The following ALPK1 variants were observed in gnomAD, a reference collection of about 807,000 sequenced individuals.
ALPK1 encodes alpha kinase 1.
ALPK1 carries 110 observed loss-of-function variants against 120.6 expected under a neutral mutation model. The observed-to-expected ratio is 0.91, with a 90% CI of 0.78 to 1.07. ALPK1 has a LOEUF of 1.07. Among genes scored for constraint, ALPK1 ranks in the 50% least tolerant of loss-of-function variants. The probability of loss-of-function intolerance (pLI) is 0.00; values close to 1 mark genes in which losing one functional copy is unlikely to be tolerated. For missense variants in ALPK1, 1,498 were observed against 1,483.9 expected, an observed-to-expected ratio of 1.01 and a Z score of -0.16; for synonymous variants, 582 against 560.3, an observed-to-expected ratio of 1.04 and a Z score of -0.55.
intron 3 of ALPK1, among the ~76,000 whole-genome samples, 164 bp downstream of exon 3, chr4:112,378,062 C>A (rs994330641): frequency 6.6e-6 from 1 of 151,444 alleles, no homozygotes; most frequent in Admixed American, 6.6e-5. Flanking sequence ...GGGCTGCGGG[C>A]GGACGGGCAG....
intron 2 of ALPK1, among the ~76,000 whole-genome samples, chr4:112,371,847 A>G (rs1731421300): frequency 6.6e-6 from 1 of 152,224 alleles, no homozygotes; most frequent in African/African-American, 2.4e-5. Context: ...GAGCTAGGGA[A>G]TTTCTTAATA....
chr4:112,398,288 AT>A (rs1307790992), intron 4 of ALPK1, among the ~76,000 whole-genome samples: 2 of 152,008 alleles, frequency 1.3e-5, no homozygotes, highest in Non-Finnish European at 2.9e-5. Flanking sequence ...ACAGACTTAA[AT>A]TTTTTTAATT....
In ALPK1 at chr4:112,411,887, T is replaced by C. The variant is rs759065750; in HGVS notation, c.337T>C (p.Leu113=). The C allele has an allele frequency of 1.8e-5, 29 of 1,613,950 alleles. No homozygotes were observed. The highest frequency in any genetic ancestry group is 2.1e-5 in the Non-Finnish European group (25 of 1,180,006). Residue 113 remains leucine, a synonymous_variant, in exon 5 of 16, where the codon TTG becomes CTG. Coordinates refer to ENST00000650871, the MANE Select transcript of ALPK1 (RefSeq NM_025144.4). ...TGCGGCTGCGGCGGCTATTGTGTTC[T>C]TGGTGGACCGGTTCCTGTATGGGCT... The part of the protein sequence containing the change: ...DCAAAAAIVF[L]VDRFLYGLDV...
chr4:112,316,015 A>C (rs141385742), intron 2 of ALPK1, 163 bp downstream of exon 2: 5 of 152,238 alleles, frequency 3.3e-5, no homozygotes, highest in Non-Finnish European at 7.3e-5. Context: ...TTCTTCAATA[A>C]TTTTTAAAAA....
At chr4:112,421,651 C>A (rs1222832730) in intron 5 of ALPK1, among the ~76,000 whole-genome samples, 1 of 152,184 alleles carries the variant, frequency 6.6e-6, no homozygotes, top group Admixed American at 6.5e-5. Context: ...CCAGTAGATG[C>A]CCAAGCCTGA....
intron 2 of ALPK1, among the ~76,000 whole-genome samples, chr4:112,335,154 G>T (rs1276523942): frequency 1.3e-5 from 2 of 152,056 alleles, no homozygotes; most frequent in Non-Finnish European, 2.9e-5. Context: ...CACTTGGGAG[G>T]CTGAGGCAGG....
intron 2 of ALPK1, among the ~76,000 whole-genome samples, chr4:112,363,967 T>A (rs137906676): frequency 0.014 from 2,156 of 152,234 alleles, 20 homozygotes; most frequent in South Asian, 0.046. Context: ...GATTGTTGGG[T>A]CAACAGTAAA....
chr4:112,354,048 T>C (rs573800380), intron 2 of ALPK1, among the ~76,000 whole-genome samples: 1 of 152,316 alleles, frequency 6.6e-6, no homozygotes, highest in East Asian at 1.9e-4. Context: ...TTTCCTACTA[T>C]GTGGTTGGTC....
At chr4:112,364,752 A>T (rs549922605) in intron 2 of ALPK1, among the ~76,000 whole-genome samples, 15 of 152,294 alleles carry the variant, frequency 9.8e-5, no homozygotes, top group Admixed American at 8.5e-4. Flanking sequence ...AGATATCACA[A>T]AAAAAGAAAA....
At chr4:112,435,805 G>A (rs2023828) in intron 12 of ALPK1, among the ~76,000 whole-genome samples, 54,337 of 152,090 alleles carry the variant, frequency 0.36, 10,482 homozygotes, top group African/African-American at 0.5. Flanking sequence ...GGTGCAGCCC[G>A]TAGCAAAAGC....
rs1734509746 is a variant in ALPK1, at chr4:112,430,852, G to C, written c.1305G>C (p.Glu435Asp). The C allele has an allele frequency of 6.2e-7, 1 of 1,614,006 alleles. No homozygotes were observed. The highest frequency in any genetic ancestry group is 1.7e-5 in the Admixed American group (1 of 59,998). ...SNVDDRSYVPESFECRLDKLI... is the reference protein window; with the variant it reads ...SNVDDRSYVPDSFECRLDKLI... ...TAGATGACAGATCTTATGTTCCCGAGAGTTTCGAGTGCAGGTTGGATAAAC... is the reference window on the plus strand; with the variant it reads ...TAGATGACAGATCTTATGTTCCCGACAGTTTCGAGTGCAGGTTGGATAAAC... The change falls in exon 11 of 16, where the codon GAG becomes GAC. Residue 435 changes from glutamate to aspartate, a missense_variant. Coordinates refer to ENST00000650871, the MANE Select transcript of ALPK1 (RefSeq NM_025144.4).
chr4:112,325,505 T>A (rs7664469), intron 2 of ALPK1, among the ~76,000 whole-genome samples: 76,302 of 152,044 alleles, frequency 0.5, 19,402 homozygotes, highest in Middle Eastern at 0.63. Context: ...TATATTTAGG[T>A]CATTCACATT....
intron 2 of ALPK1, among the ~76,000 whole-genome samples, chr4:112,335,370 C>G (rs971980270): frequency 9.2e-5 from 14 of 151,568 alleles, no homozygotes; most frequent in African/African-American, 3.2e-4. Context: ...TTCTAAAGAA[C>G]AAGGTAAGCC....
At chr4:112,430,086 A>G (rs1234068729) in intron 10 of ALPK1, among the ~76,000 whole-genome samples, 1 of 152,198 alleles carries the variant, frequency 6.6e-6, no homozygotes, top group East Asian at 1.9e-4. Context: ...CCTTATTTGC[A>G]TAGAGAAACT....
intron 5 of ALPK1, among the ~76,000 whole-genome samples, chr4:112,422,161 C>T (rs1238790336): frequency 2.0e-5 from 3 of 152,158 alleles, no homozygotes; most frequent in Non-Finnish European, 4.4e-5. Flanking sequence ...GATTTCATCA[C>T]GCTACTCAGA....
chr4:112,397,333 C>T (rs1330336370), intron 4 of ALPK1, among the ~76,000 whole-genome samples: 2 of 152,168 alleles, frequency 1.3e-5, no homozygotes, highest in Non-Finnish European at 2.9e-5. Flanking sequence ...TTTATGTATT[C>T]TGTATGTGAA....
intron 9 of ALPK1, 129 bp downstream of exon 9, chr4:112,427,794 G>A (rs1734307142): frequency 1.5e-6 from 1 of 675,666 alleles, no homozygotes; most frequent in Admixed American, 2.2e-5. Context: ...CTAGACAAAT[G>A]GGAGGAATCC....
intron 3 of ALPK1, among the ~76,000 whole-genome samples, chr4:112,382,125 C>T (rs1283987396): frequency 1.3e-5 from 2 of 152,090 alleles, no homozygotes; most frequent in African/African-American, 4.8e-5. Context: ...CACTAAAGTG[C>T]TTTACTTCCT....
intron 1 of ALPK1, among the ~76,000 whole-genome samples, chr4:112,304,115 T>C (rs1433682643): frequency 6.6e-6 from 1 of 152,234 alleles, no homozygotes; most frequent in Non-Finnish European, 1.5e-5. Context: ...TTCCATGGTG[T>C]ATATGTGCCA....
Sources: allele counts gnomAD v4.1 joint callset (sites outside exome capture counted in the v4.1 genomes callset), GRCh38; gene constraint gnomAD v4.1.1; transcripts MANE v1.5; gene names NCBI Gene and HGNC (gene_info 2026-07-23, HGNC 2026-07-21).